Variants in CIB4 observed in about 807,000 individuals in gnomAD.
CIB4 encodes calcium and integrin binding family member 4, also known as calcium and integrin-binding family member 4.
Under a neutral mutation model 25.8 loss-of-function variants are expected in CIB4, and 25 were observed. That is an observed-to-expected ratio of 0.97 (90% CI 0.71 to 1.35). The LOEUF (loss-of-function observed/expected upper bound fraction) is 1.35, where lower values mean the gene tolerates loss of function less well. Among genes scored for constraint, CIB4 ranks in the 40% most tolerant of loss-of-function variants. The pLI, the probability that CIB4 is intolerant of heterozygous loss-of-function variation, is 0.00. For synonymous variants in CIB4, 75 were observed against 81.4 expected (o/e 0.92, Z 0.42); for missense variants, 235 against 228.2 (o/e 1.03, Z -0.19).
intron 4 of CIB4, among the ~76,000 whole-genome samples, chr2:26,592,933 C>G (rs373692126): frequency 2.0e-5 from 3 of 152,116 alleles, no homozygotes; most frequent in Admixed American, 2.0e-4. Context: ...TAAGGTTGCC[C>G]GGATAGCTGG....
chr2:26,600,549 C>A (rs1456160427), intron 3 of CIB4, among the ~76,000 whole-genome samples: 1 of 152,164 alleles, frequency 6.6e-6, no homozygotes, highest in Non-Finnish European at 1.5e-5. Flanking sequence ...AGAGGTCAGT[C>A]CTTCCTCAGT....
intron 3 of CIB4, among the ~76,000 whole-genome samples, chr2:26,613,815 T>C (rs745395): frequency 0.68 from 103,722 of 152,114 alleles, 35,627 homozygotes; most frequent in African/African-American, 0.76. Flanking sequence ...AGGAATGTCC[T>C]CAACAGGTCT....
chr2:26,586,951 C>T (rs1039389664), intron 4 of CIB4, among the ~76,000 whole-genome samples: 1 of 151,994 alleles, frequency 6.6e-6, no homozygotes, highest in South Asian at 2.1e-4. Context: ...AAGGATAAAG[C>T]GACAAGACAG....
intron 6 of CIB4, 65 bp from the exon 7 acceptor site, chr2:26,581,458 T>A: frequency 1.3e-6 from 2 of 1,498,266 alleles, no homozygotes; most frequent in Non-Finnish European, 1.9e-6. Context: ...GACTCCTGGG[T>A]TCACAGTAGT....
intron 3 of CIB4, among the ~76,000 whole-genome samples, chr2:26,601,761 G>T (rs1668796777): frequency 6.6e-6 from 1 of 152,120 alleles, no homozygotes; most frequent in Admixed American, 6.5e-5. Flanking sequence ...TTCCACAGGT[G>T]AATGGATAAA....
intron 3 of CIB4, among the ~76,000 whole-genome samples, chr2:26,605,990 C>T (rs1399707348): frequency 6.6e-6 from 1 of 152,160 alleles, no homozygotes; most frequent in African/African-American, 2.4e-5. Context: ...CCATGAGTCC[C>T]ATGACCCTGC....
chr2:26,624,703 A>G (rs1669266099), intron 3 of CIB4, among the ~76,000 whole-genome samples: 1 of 128,820 alleles, frequency 7.8e-6, no homozygotes, highest in South Asian at 2.8e-4. Flanking sequence ...TTTTGAATAA[A>G]AAGTCTGGGA....
At chr2:26,631,702 T>C (rs146645940) in intron 2 of CIB4, among the ~76,000 whole-genome samples, 2 of 152,312 alleles carry the variant, frequency 1.3e-5, no homozygotes, top group African/African-American at 2.4e-5. Context: ...GTGTGCCCAC[T>C]GCACTCTGTG....
chr2:26,582,778 C>A (rs753916098), intron 6 of CIB4, 47 bp downstream of exon 6: 4 of 1,221,958 alleles, frequency 3.3e-6, no homozygotes, highest in Non-Finnish European at 4.8e-6. Flanking sequence ...GCCCTTCCTG[C>A]CCCCACCACT....
intron 3 of CIB4, among the ~76,000 whole-genome samples, chr2:26,611,031 A>C (rs138159377): frequency 0.011 from 1,636 of 152,346 alleles, 15 homozygotes; most frequent in Middle Eastern, 0.014. Flanking sequence ...CTCCTGCAAG[A>C]GCAAGGGGAG....
At chr2:26,590,269 A>AAC (rs1553373379) in intron 4 of CIB4, among the ~76,000 whole-genome samples, 1 of 150,936 alleles carries the variant, frequency 6.6e-6, no homozygotes, top group Non-Finnish European at 1.5e-5. Flanking sequence ...AAAAAAAAAA[A>AAC]AAAAAAAAAA....
At chr2:26,587,039 A>C (rs1485244764) in intron 4 of CIB4, among the ~76,000 whole-genome samples, 1 of 152,098 alleles carries the variant, frequency 6.6e-6, no homozygotes, top group African/African-American at 2.4e-5. Flanking sequence ...TGTGGATTAC[A>C]TTCACGCCTG....
chr2:26,607,712 TCAGCACCAC>T (rs1338401340), intron 3 of CIB4, among the ~76,000 whole-genome samples: 3 of 152,202 alleles, frequency 2.0e-5, no homozygotes, highest in Admixed American at 2.0e-4. Flanking sequence ...CTGTCCTCCA[TCAGCACCAC>T]CAGCACCACC....
At chr2:26,636,715 A>C (rs1405942281) in intron 2 of CIB4, among the ~76,000 whole-genome samples, 1 of 152,218 alleles carries the variant, frequency 6.6e-6, no homozygotes, top group African/African-American at 2.4e-5. Flanking sequence ...TTTGCATGAC[A>C]AAAAGTATTG....
chr2:26,586,738 G>C (rs1554903), intron 4 of CIB4, among the ~76,000 whole-genome samples: 8,372 of 152,228 alleles, frequency 0.055, 481 homozygotes, highest in East Asian at 0.3. Flanking sequence ...AACTGCCTTT[G>C]TTGCAATAAA....
chr2:26,637,603 A>G (rs1669558300), intron 2 of CIB4, among the ~76,000 whole-genome samples: 1 of 152,070 alleles, frequency 6.6e-6, no homozygotes, highest in African/African-American at 2.4e-5. Context: ...CTCCTCTCTA[A>G]GGGCAGTCTT....
chr2:26,610,578 C>G, intron 3 of CIB4, among the ~76,000 whole-genome samples: 1 of 152,202 alleles, frequency 6.6e-6, no homozygotes, highest in East Asian at 1.9e-4. Flanking sequence ...AGGGCTCTGC[C>G]AGCCAGCCAT....
chr2:26,635,101 C>G (rs753143344), intron 2 of CIB4, among the ~76,000 whole-genome samples: 1 of 152,248 alleles, frequency 6.6e-6, no homozygotes, highest in African/African-American at 2.4e-5. Context: ...CTGGGACAAC[C>G]AATTCAAACA....
intron 3 of CIB4, among the ~76,000 whole-genome samples, chr2:26,610,625 G>T (rs1668980487): frequency 6.6e-6 from 1 of 152,138 alleles, no homozygotes; most frequent in Admixed American, 6.6e-5. Context: ...CCAGACCTCT[G>T]GGCACCACAC....
Sources: allele counts gnomAD v4.1 joint callset (sites outside exome capture counted in the v4.1 genomes callset), GRCh38; gene constraint gnomAD v4.1.1; transcripts MANE v1.5; gene names NCBI Gene and HGNC (gene_info 2026-07-23, HGNC 2026-07-21).